The following RBFOX1 variants were observed in gnomAD, a reference collection of about 807,000 sequenced individuals.
RBFOX1 encodes RNA binding fox-1 homolog 1, also known as RNA binding protein fox-1 homolog 1.
In RBFOX1, 8 loss-of-function variants were observed where a neutral mutation model predicts 57.7. The observed-to-expected ratio is 0.14, with a 90% CI of 0.08 to 0.25. The LOEUF (loss-of-function observed/expected upper bound fraction) is 0.25, where lower values mean the gene tolerates loss of function less well. RBFOX1 is among the 10% of genes least tolerant of loss of function. The probability of loss-of-function intolerance (pLI) is 1.00; values close to 1 mark genes in which losing one functional copy is unlikely to be tolerated. For missense variants in RBFOX1, 611 were observed against 548.5 expected (o/e 1.11, Z -1.14); for synonymous variants, 326 against 222.4 (o/e 1.47, Z -4.15).
At chr16:6,231,221 T>C (rs13336287) in intron 1 of RBFOX1, among the ~76,000 whole-genome samples, 3,291 of 96,488 alleles carry the variant, frequency 0.034, 109 homozygotes, top group African/African-American at 0.092. Flanking sequence ...TGTGTTTGTG[T>C]GTGTGTGTGT....
intron 4 of RBFOX1, among the ~76,000 whole-genome samples, chr16:7,199,842 C>G (rs2087826153): frequency 6.6e-6 from 1 of 152,090 alleles, no homozygotes; most frequent in Non-Finnish European, 1.5e-5. Flanking sequence ...TTGTAGTGAG[C>G]TCAGATCTCA....
chr16:5,497,820 T>G (rs2043054174), intron 2 of RBFOX1, among the ~76,000 whole-genome samples: 1 of 152,062 alleles, frequency 6.6e-6, no homozygotes, highest in African/African-American at 2.4e-5. Flanking sequence ...ATTCTGATAA[T>G]TGTCCCCAAG....
chr16:6,301,491 G>A (rs1042515962), intron 1 of RBFOX1, among the ~76,000 whole-genome samples: 1 of 152,080 alleles, frequency 6.6e-6, no homozygotes, highest in Non-Finnish European at 1.5e-5. Context: ...AGGGTAACTT[G>A]GAACATTATG....
At chr16:5,388,610 T>G (rs1423257494) in intron 1 of RBFOX1, among the ~76,000 whole-genome samples, 3 of 152,024 alleles carry the variant, frequency 2.0e-5, no homozygotes, top group African/African-American at 7.2e-5. Context: ...AGAGTCTCGC[T>G]CTGTCACCCA....
intron 1 of RBFOX1, among the ~76,000 whole-genome samples, chr16:5,284,313 C>T (rs2063339732): frequency 6.6e-6 from 1 of 152,120 alleles, no homozygotes; most frequent in African/African-American, 2.4e-5. Flanking sequence ...TTTTTTCCCT[C>T]ATTATTTATG....
chr16:6,514,738 T>C (rs1156832338), intron 2 of RBFOX1, among the ~76,000 whole-genome samples: 4 of 152,064 alleles, frequency 2.6e-5, no homozygotes, highest in African/African-American at 4.8e-5. Flanking sequence ...GTAATAATGG[T>C]AATTATTCTT....
intron 3 of RBFOX1, among the ~76,000 whole-genome samples, chr16:6,689,130 T>G (rs1175000179): frequency 6.6e-6 from 1 of 152,230 alleles, no homozygotes; most frequent in African/African-American, 2.4e-5. Context: ...CAGAATGATT[T>G]ATAATCCTAT....
chr16:7,667,899 C>T (rs1597658051), intron 13 of RBFOX1, among the ~76,000 whole-genome samples: 1 of 152,106 alleles, frequency 6.6e-6, no homozygotes, highest in Non-Finnish European at 1.5e-5. Context: ...GTCTGGAACT[C>T]CTGACCTCAA....
chr16:6,006,137 G>C (rs2094925738), intron 4 of RBFOX1, among the ~76,000 whole-genome samples: 1 of 152,212 alleles, frequency 6.6e-6, no homozygotes, highest in African/African-American at 2.4e-5. Context: ...TTACTTGGCT[G>C]TTTAGCATCT....
At chr16:6,035,896 A>G (rs2095359191) in intron 1 of RBFOX1, among the ~76,000 whole-genome samples, 1 of 152,214 alleles carries the variant, frequency 6.6e-6, no homozygotes, top group Non-Finnish European at 1.5e-5. Flanking sequence ...AAAGTGCTTG[A>G]TAGATGGGAA....
chr16:7,214,413 C>T (rs569028365), intron 4 of RBFOX1, among the ~76,000 whole-genome samples: 2 of 152,222 alleles, frequency 1.3e-5, no homozygotes, highest in Admixed American at 1.3e-4. Context: ...ATTCCTCTCT[C>T]ATGGGCAGAC....
intron 4 of RBFOX1, among the ~76,000 whole-genome samples, chr16:7,146,464 C>T (rs928955913): frequency 9.2e-5 from 14 of 152,126 alleles, no homozygotes; most frequent in East Asian, 3.9e-4. Context: ...TTTCTAGTGA[C>T]GATGAACAAA....
Position 7,052,610 on chromosome 16 carries a change from C to T in RBFOX1, c.27+512C>T, listed in dbSNP as rs77120272. On this transcript the variant is annotated intron_variant, in intron 4 of 15. Transcript: ENST00000550418. ...GGGAGAGGGAGACAAAATTTTAAAC[C>T]TTATATTCTGTTTCCCCACTTAAAA... Among the ~76,000 whole-genome samples the T allele has an allele frequency of 9.6e-3, 1,462 of 152,128 alleles. 12 individuals carry two copies. Among genetic ancestry groups the T allele is most frequent in the Non-Finnish European group, 0.017 (1,153 of 67,996 alleles).
chr16:6,128,253 C>G (rs966556335), intron 1 of RBFOX1, among the ~76,000 whole-genome samples: 2 of 152,044 alleles, frequency 1.3e-5, no homozygotes, highest in African/African-American at 4.8e-5. Context: ...TTTGTTTTCA[C>G]TTTTTAAATA....
At chr16:7,091,878 T>A (rs74008728) in intron 4 of RBFOX1, among the ~76,000 whole-genome samples, 1 of 152,252 alleles carries the variant, frequency 6.6e-6, no homozygotes, top group Non-Finnish European at 1.5e-5. Flanking sequence ...GTTGCAGATA[T>A]AGAGTTGCTT....
intron 4 of RBFOX1, among the ~76,000 whole-genome samples, chr16:7,107,418 C>T (rs1246332515): frequency 2.6e-5 from 4 of 152,090 alleles, no homozygotes; most frequent in Non-Finnish European, 5.9e-5. Context: ...CTTAGGATTC[C>T]TCGATTCTTG....
At chr16:5,686,671 T>C (rs1195866584) in intron 3 of RBFOX1, among the ~76,000 whole-genome samples, 1 of 152,110 alleles carries the variant, frequency 6.6e-6, no homozygotes, top group Admixed American at 6.6e-5. Context: ...CCTCAGTACT[T>C]AGTATTGAGG....
At chr16:6,557,026 C>T (rs867712521) in intron 2 of RBFOX1, among the ~76,000 whole-genome samples, 10 of 123,710 alleles carry the variant, frequency 8.1e-5, no homozygotes, top group African/African-American at 2.2e-4. Context: ...CATATATATA[C>T]ATATATACAC....
At chr16:7,667,216 A>T (rs2069646435) in intron 13 of RBFOX1, among the ~76,000 whole-genome samples, 1 of 152,152 alleles carries the variant, frequency 6.6e-6, no homozygotes, top group Non-Finnish European at 1.5e-5. Context: ...TTGTCTGATG[A>T]TGACTTTAAC....
Sources: gnomAD v4.1 joint callset for allele counts (sites outside exome capture counted in the v4.1 genomes callset) on GRCh38, gnomAD v4.1.1 for gene constraint, MANE v1.5 for transcripts, NCBI Gene and HGNC (gene_info 2026-07-23, HGNC 2026-07-21) for gene names.